HNRNPC: variants seen among roughly 807,000 people sequenced by gnomAD.
HNRNPC encodes the protein heterogeneous nuclear ribonucleoprotein C, also known as heterogeneous nuclear ribonucleoproteins C1/C2.
HNRNPC carries 3 observed loss-of-function variants against 33.2 expected under a neutral mutation model. The observed-to-expected ratio is 0.09, with a 90% CI of 0.04 to 0.23. The LOEUF is 0.23. HNRNPC is among the 10% of genes least tolerant of loss of function. The pLI is 1.00. For synonymous variants in HNRNPC, 121 were observed against 126.7 expected, an observed-to-expected ratio of 0.96 and a Z score of 0.30; for missense variants, 143 against 366.7, an observed-to-expected ratio of 0.39 and a Z score of 4.98.
At chr14:21,231,412 A>G in intron 3 of HNRNPC, 1 of 466,046 alleles carries the variant, frequency 2.1e-6, no homozygotes, top group Admixed American at 2.3e-5. Flanking sequence ...GCTGGAGTGC[A>G]GTGATGCAAT....
chr14:21,250,391 C>A (rs546171347), intron 2 of HNRNPC, among the ~76,000 whole-genome samples: 1 of 152,250 alleles, frequency 6.6e-6, no homozygotes, highest in Non-Finnish European at 1.5e-5. Context: ...ATTCATTAGA[C>A]TGTTCTGTAT....
intron 2 of HNRNPC, among the ~76,000 whole-genome samples, chr14:21,260,887 C>G (rs140794177): frequency 6.7e-6 from 1 of 149,472 alleles, no homozygotes; most frequent in Non-Finnish European, 1.5e-5. Context: ...CGCTTGAACC[C>G]GGGAGGTGGA....
intron 5 of HNRNPC, among the ~76,000 whole-genome samples, chr14:21,225,339 C>T (rs961715586): frequency 3.3e-5 from 5 of 151,094 alleles, no homozygotes; most frequent in African/African-American, 1.2e-4. Context: ...CGATGATGCA[C>T]AAGAATTACT....
At chr14:21,265,172 A>C (rs971880678) in intron 1 of HNRNPC, 3 of 152,260 alleles carry the variant, frequency 2.0e-5, no homozygotes, top group Non-Finnish European at 2.9e-5. Flanking sequence ...TGAATGTACA[A>C]ATTGCGGAAA....
At chr14:21,251,445 G>C (rs539208448) in intron 2 of HNRNPC, among the ~76,000 whole-genome samples, 4 of 152,024 alleles carry the variant, frequency 2.6e-5, no homozygotes, top group Non-Finnish European at 5.9e-5. Context: ...TTGGGAGGCA[G>C]AGGCGGGCAG....
chr14:21,236,120 T>C (rs922454900), intron 2 of HNRNPC, among the ~76,000 whole-genome samples: 7 of 152,264 alleles, frequency 4.6e-5, no homozygotes, highest in South Asian at 2.1e-4. Flanking sequence ...AAGGAATTCA[T>C]ACCCCACGGC....
intron 1 of HNRNPC, among the ~76,000 whole-genome samples, chr14:21,266,243 C>G (rs180863587): frequency 3.9e-5 from 6 of 152,266 alleles, no homozygotes; most frequent in Admixed American, 3.9e-4. Context: ...GCTGGGACTA[C>G]AGGCGAGCGC....
chr14:21,219,141 G>GA (rs112983119), intron 5 of HNRNPC, among the ~76,000 whole-genome samples: 1 of 150,280 alleles, frequency 6.7e-6, no homozygotes, highest in African/African-American at 2.4e-5. Flanking sequence ...AAAGAAAGGG[G>GA]AAAAAAAATT....
intron 2 of HNRNPC, among the ~76,000 whole-genome samples, chr14:21,258,956 T>C (rs1375201636): frequency 2.6e-5 from 4 of 152,164 alleles, no homozygotes; most frequent in African/African-American, 9.7e-5. Context: ...ATCACTAATA[T>C]TCCCTACACA....
chr14:21,229,992 T>C (rs1893932080), intron 5 of HNRNPC, among the ~76,000 whole-genome samples: 1 of 152,224 alleles, frequency 6.6e-6, no homozygotes, highest in African/African-American at 2.4e-5. Context: ...TCCTATTTCC[T>C]GTTAAGCATT....
chr14:21,231,163 T>TTA (rs1894066908), intron 3 of HNRNPC, 91 bp from the exon 4 acceptor site: 2 of 1,306,234 alleles, frequency 1.5e-6, no homozygotes, highest in Non-Finnish European at 2.1e-6. Context: ...GAGACATAGT[T>TTA]TCGCTTTCTC....
At chr14:21,229,174 A>C (rs1394006219) in intron 5 of HNRNPC, among the ~76,000 whole-genome samples, 1 of 151,594 alleles carries the variant, frequency 6.6e-6, no homozygotes, top group Non-Finnish European at 1.5e-5. Flanking sequence ...ACGGATCATG[A>C]GGTCAGGAGA....
At chr14:21,243,113 G>A (rs866668642) in intron 2 of HNRNPC, among the ~76,000 whole-genome samples, 3 of 152,136 alleles carry the variant, frequency 2.0e-5, no homozygotes, top group South Asian at 2.1e-4. Flanking sequence ...GGAGAGGTGG[G>A]GGGGTGGGCA....
In HNRNPC at chr14:21,211,907, A is replaced by C. The variant is rs747969473; in HGVS notation, c.540T>G (p.Leu180=). The part of the protein sequence containing the change: ...SKSGKLKGDD[L]QAIKKELTQI... ...GGGTCAGCTCCTTCTTAATGGCCTG[A>C]AGGTCATCTCCTTTCACTTTAATAT... The change falls in exon 7 of 9, where the codon CTT becomes CTG. Residue 180 remains leucine, a synonymous_variant. Coordinates refer to ENST00000553300, the MANE Select transcript of HNRNPC (RefSeq NM_004500.4). 4.3e-6 allele frequency: 7 copies of C among 1,612,586 alleles called. No homozygotes were observed. In the South Asian group the frequency reaches 7.7e-5, roughly 18 times the overall value.
At chr14:21,233,566 C>T (rs1351166569) in intron 3 of HNRNPC, among the ~76,000 whole-genome samples, 1 of 152,098 alleles carries the variant, frequency 6.6e-6, no homozygotes, top group African/African-American at 2.4e-5. Context: ...GAAAATCTAA[C>T]ACTGAGCCAA....
chr14:21,219,666 C>A lies in HNRNPC; in HGVS notation c.366-6549G>T, dbSNP rs557052659. ...ATCTCCTTTGCTCATTTCTTCCTTA[C>A]CGCCACATTCTTTAAAGGTCACAGT... is the stretch of plus-strand genomic sequence containing the variant. On this transcript the variant is annotated intron_variant, in intron 5 of 8. Coordinates refer to ENST00000553300, the MANE Select transcript of HNRNPC (RefSeq NM_004500.4). Among the ~76,000 whole-genome samples, 5 of 152,288 alleles carry A rather than the reference C, an allele frequency of 3.3e-5. No individual in the cohort carries two copies. In the South Asian group the frequency reaches 1.0e-3, roughly 32 times the overall value.
chr14:21,216,328 T>C (rs1217012832), intron 5 of HNRNPC, among the ~76,000 whole-genome samples: 3 of 152,274 alleles, frequency 2.0e-5, no homozygotes, highest in African/African-American at 4.8e-5. Context: ...TAGACGTTAA[T>C]CTATTAATAA....
chr14:21,213,495 A>T (rs956577527), intron 5 of HNRNPC: 1 of 180,036 alleles, frequency 5.6e-6, no homozygotes, highest in African/African-American at 2.4e-5. Flanking sequence ...ACATTACAAT[A>T]AACAATTCAC....
intron 1 of HNRNPC, chr14:21,263,714 A>G (rs890509580): frequency 6.6e-6 from 1 of 152,156 alleles, no homozygotes; most frequent in African/African-American, 2.4e-5. Context: ...TATGTTTAAA[A>G]TGTCTTTATA....
Sources: allele counts gnomAD v4.1 joint callset (sites outside exome capture counted in the v4.1 genomes callset), GRCh38; gene constraint gnomAD v4.1.1; transcripts MANE v1.5; gene names NCBI Gene and HGNC (gene_info 2026-07-23, HGNC 2026-07-21).